MID1: variants seen among roughly 807,000 people sequenced by gnomAD.
The protein encoded by MID1 is E3 ubiquitin-protein ligase Midline-1.
Under a neutral mutation model 40.4 loss-of-function variants are expected in MID1, and 7 were observed. That is an observed-to-expected ratio of 0.17 (90% confidence interval 0.10 to 0.33). MID1 has a LOEUF of 0.33. Among genes scored for constraint, MID1 ranks in the 10% least tolerant of loss-of-function variants. The pLI, the probability that MID1 is intolerant of heterozygous loss-of-function variation, is 1.00. For missense variants in MID1, 367 were observed against 558.5 expected, an observed-to-expected ratio of 0.66 and a Z score of 3.46; for synonymous variants, 229 against 221.2, an observed-to-expected ratio of 1.04 and a Z score of -0.31.
At chrX:10,645,326 G>A (rs1340846317) in intron 1 of MID1, among the ~76,000 whole-genome samples, 4 of 112,050 alleles carry the variant, frequency 3.6e-5, no homozygotes, top group Admixed American at 9.5e-5. Flanking sequence ...AAGATTTATG[G>A]ACAGAAAAAG....
At chrX:10,591,282 C>T (rs762100995) in intron 1 of MID1, among the ~76,000 whole-genome samples, 32 of 112,402 alleles carry the variant, frequency 2.8e-4, no homozygotes, top group South Asian at 7.4e-4. Flanking sequence ...GATTTGTCAT[C>T]TTCATGGTAA....
intron 2 of MID1, among the ~76,000 whole-genome samples, chrX:10,558,000 C>T (rs931207312): frequency 3.7e-5 from 4 of 109,469 alleles, no homozygotes; most frequent in Non-Finnish European, 7.6e-5. Context: ...AACACAGTAA[C>T]CCTATCCATT....
chrX:10,577,825 AAG>A (rs1299090783), intron 1 of MID1, among the ~76,000 whole-genome samples: 1 of 108,949 alleles, frequency 9.2e-6, no homozygotes, highest in Non-Finnish European at 1.9e-5. Flanking sequence ...GTCTTCCTAA[AAG>A]AAAAAAAAAA....
rs187404640 is a variant in MID1, at chrX:10,660,963, T to C, written c.-186-40544A>G. Reference sequence around the variant, plus strand: ...TTGAAGTGGAGCTTATTAGTATTTTTAGATACAAATGTAAGCTGAAATGAA... The same window carrying C: ...TTGAAGTGGAGCTTATTAGTATTTTCAGATACAAATGTAAGCTGAAATGAA... On this transcript the variant is annotated intron_variant, in intron 1 of 10. Transcript: ENST00000380785. 1.2e-3 allele frequency among the ~76,000 whole-genome samples: 134 copies of C among 111,864 alleles called. 1 individual carries two copies. In the East Asian group the frequency reaches 0.026, roughly 22 times the overall value.
chrX:10,529,094 C>T (rs1371392384), intron 2 of MID1, among the ~76,000 whole-genome samples: 3 of 111,081 alleles, frequency 2.7e-5, no homozygotes, highest in East Asian at 2.8e-4. Context: ...ACCTGGCTCA[C>T]GATGTGTTGT....
At chrX:10,652,194 A>G (rs1010982252) in intron 1 of MID1, among the ~76,000 whole-genome samples, 1 of 111,455 alleles carries the variant, frequency 9.0e-6, no homozygotes, top group Non-Finnish European at 1.9e-5. Flanking sequence ...GAATACCATC[A>G]CTAGCTGAAT....
At chrX:10,638,626 A>G (rs1936150001) in intron 1 of MID1, among the ~76,000 whole-genome samples, 1 of 112,080 alleles carries the variant, frequency 8.9e-6, no homozygotes, top group Admixed American at 9.4e-5. Flanking sequence ...GCAGACTTAA[A>G]TGTCCCTGTC....
intron 1 of MID1, among the ~76,000 whole-genome samples, chrX:10,616,890 T>C (rs1333705132): frequency 1.8e-5 from 2 of 112,765 alleles, no homozygotes; most frequent in Non-Finnish European, 3.7e-5. Flanking sequence ...CTCAGATGCA[T>C]ATTTAAAATT....
At chrX:10,784,697 C>T (rs1569169471) in intron 1 of MID1, among the ~76,000 whole-genome samples, 1 of 110,461 alleles carries the variant, frequency 9.1e-6, no homozygotes, top group Non-Finnish European at 1.9e-5. Context: ...CCGCCTGCCT[C>T]GGCCTCCCAA....
At chrX:10,613,397 C>T (rs975508849) in intron 1 of MID1, among the ~76,000 whole-genome samples, 1 of 109,579 alleles carries the variant, frequency 9.1e-6, no homozygotes, top group African/African-American at 3.3e-5. Flanking sequence ...AAAAATGTGG[C>T]CACCATCTAC....
intron 2 of MID1, among the ~76,000 whole-genome samples, chrX:10,544,006 A>G (rs144290564): frequency 0.013 from 1,467 of 111,270 alleles, 10 homozygotes; most frequent in Non-Finnish European, 0.019. Flanking sequence ...ATTCTGTCTC[A>G]AAAATACAAA....
chrX:10,746,799 A>G (rs928819077), intron 1 of MID1, among the ~76,000 whole-genome samples: 1 of 108,906 alleles, frequency 9.2e-6, no homozygotes, highest in East Asian at 2.8e-4. Context: ...AGTAAGTATT[A>G]TTATTATTAT....
intron 3 of MID1, among the ~76,000 whole-genome samples, chrX:10,496,264 T>C (rs1014417778): frequency 5.3e-5 from 6 of 112,303 alleles, no homozygotes; most frequent in Non-Finnish European, 7.5e-5. Context: ...ATTAATCTTA[T>C]GACATAATTT....
At chrX:10,451,301 C>G (rs1345208042) in intron 9 of MID1, among the ~76,000 whole-genome samples, 1 of 111,659 alleles carries the variant, frequency 9.0e-6, no homozygotes, top group East Asian at 2.8e-4. Context: ...TCCAGAAGTG[C>G]TTAGAGGAGG....
At chrX:10,812,421 G>A (rs1399487599) in intron 1 of MID1, among the ~76,000 whole-genome samples, 2 of 111,318 alleles carry the variant, frequency 1.8e-5, no homozygotes, top group Non-Finnish European at 3.8e-5. Context: ...CAAAAAGATT[G>A]ACAGACTCTA....
intron 1 of MID1, among the ~76,000 whole-genome samples, chrX:10,681,399 C>G (rs893826687): frequency 1.8e-4 from 20 of 111,923 alleles, no homozygotes; most frequent in African/African-American, 6.5e-4. Context: ...AGTCTAGAGG[C>G]TGCAGTCATC....
At chrX:10,501,554 T>C (rs1931544220) in intron 3 of MID1, 2 of 1,145,097 alleles carry the variant, frequency 1.7e-6, no homozygotes, top group Non-Finnish European at 2.3e-6. Flanking sequence ...TCTGATCCTT[T>C]ACAGTCTGAT....
Position 10,609,589 on chromosome X carries a change from C to T in MID1, c.-57+10701G>A, listed in dbSNP as rs181179401. 3.2e-3 allele frequency among the ~76,000 whole-genome samples: 358 copies of T among 110,590 alleles called. 2 individuals carry two copies. Among genetic ancestry groups the T allele is most frequent in the Non-Finnish European group, 4.3e-3 (228 of 52,904 alleles). ...CGTTAGGGTCTTTACTCGAGGGTCT[C>T]TGATAGTGTGCTTCTAAGTCTACTG... On this transcript the variant is annotated intron_variant, in intron 1 of 9. Coordinates refer to ENST00000317552, the MANE Select transcript of MID1 (RefSeq NM_000381.4).
intron 1 of MID1, among the ~76,000 whole-genome samples, chrX:10,803,263 TGA>T (rs775073307): frequency 1.8e-5 from 2 of 110,925 alleles, no homozygotes; most frequent in Admixed American, 9.6e-5. Context: ...ATAAAGTTCT[TGA>T]GAGAGAGATT....
Sources: gnomAD v4.1 joint callset for allele counts (sites outside exome capture counted in the v4.1 genomes callset) on GRCh38, gnomAD v4.1.1 for gene constraint, MANE v1.5 for transcripts, NCBI Gene and HGNC (gene_info 2026-07-23, HGNC 2026-07-21) for gene names.